CACNG4: variants seen among roughly 807,000 people sequenced by gnomAD.
The protein encoded by CACNG4 is voltage-dependent calcium channel gamma-4 subunit.
Under a neutral mutation model 22.9 loss-of-function variants are expected in CACNG4, and 8 were observed. The observed-to-expected ratio is 0.35, with a 90% CI of 0.21 to 0.63. The LOEUF (loss-of-function observed/expected upper bound fraction) is 0.63. Ranked by LOEUF, CACNG4 falls within the 30% of genes least tolerant of loss-of-function variation. The pLI, the probability that CACNG4 is intolerant of heterozygous loss-of-function variation, is 0.72. For missense variants in CACNG4, 357 were observed against 455.4 expected (o/e 0.78, Z 1.97); for synonymous variants, 188 against 191.9 (o/e 0.98, Z 0.17).
At chr17:66,983,557 C>A (rs1032639900) in intron 1 of CACNG4, among the ~76,000 whole-genome samples, 1 of 152,116 alleles carries the variant, frequency 6.6e-6, no homozygotes, top group African/African-American at 2.4e-5. Context: ...GTGGGCACAG[C>A]GTCGTGACCA....
chr17:66,965,732 G>A lies in CACNG4; in HGVS notation c.220+601G>A, dbSNP rs931352962. On this transcript the variant is annotated intron_variant, in intron 1 of 3. Transcript: ENST00000262138. ...AGTAGGGGCAGAAGTAGGGGCGGGG[G>A]CGCGGTCGGAGCCGGGGTAGGGGCT... 3.3e-5 allele frequency among the ~76,000 whole-genome samples: 5 copies of A among 151,438 alleles called. No homozygotes were observed. The East Asian group carries it at 9.9e-4, about 30-fold the overall frequency.
chr17:66,979,211 CCT>C (rs1465208422), intron 1 of CACNG4, among the ~76,000 whole-genome samples: 1 of 152,174 alleles, frequency 6.6e-6, no homozygotes, highest in Admixed American at 6.5e-5. Context: ...TCCTCTCGTC[CCT>C]CTTTCTCTCC....
intron 3 of CACNG4, among the ~76,000 whole-genome samples, chr17:67,025,716 G>A (rs976759272): frequency 6.6e-6 from 1 of 152,274 alleles, no homozygotes; most frequent in Non-Finnish European, 1.5e-5. Flanking sequence ...GCTGAAGATG[G>A]GCAGGCCTGG....
At chr17:66,970,374 T>C (rs567014669) in intron 1 of CACNG4, among the ~76,000 whole-genome samples, 1 of 152,324 alleles carries the variant, frequency 6.6e-6, no homozygotes, top group South Asian at 2.1e-4. Flanking sequence ...AGATGTGAAC[T>C]TCTCATAGTT....
chr17:67,006,508 C>G (rs2035438776), intron 1 of CACNG4, among the ~76,000 whole-genome samples: 1 of 152,146 alleles, frequency 6.6e-6, no homozygotes, highest in African/African-American at 2.4e-5. Context: ...GCCAAACATG[C>G]CTCTGGGCTT....
Position 67,030,427 on chromosome 17 carries a change from C to A in CACNG4, c.446-39C>A. 6.3e-7 allele frequency: 1 copy of A among 1,593,786 alleles called. No homozygotes were observed. Among genetic ancestry groups the A allele is most frequent in the Non-Finnish European group, 8.6e-7 (1 of 1,166,244 alleles). On this transcript the variant is annotated intron_variant, in intron 3 of 3. Transcript: ENST00000262138. This position sits in a 1 kb window ranked among gnomAD's most constrained non-coding sequence, Gnocchi z 6.4. ...GTGGGTCTAACCTCTGCCTCTCTCC[C>A]TCCCTGGCCCCGCTCCCCGCTCCCC...
intron 1 of CACNG4, among the ~76,000 whole-genome samples, chr17:66,980,005 C>T (rs3785594): frequency 0.31 from 46,672 of 152,022 alleles, 7,897 homozygotes; most frequent in Non-Finnish European, 0.39. Context: ...CTGCCCACCT[C>T]GGCCTCCCAA....
At position 67,032,045 on chromosome 17, in the gene CACNG4, C is replaced by T. The variant is rs756772197; in HGVS notation, c.*1041C>T. The T allele has an allele frequency of 3.4e-5, 15 of 447,022 alleles. No individual in the cohort carries two copies. Among genetic ancestry groups the T allele is most frequent in the South Asian group, 9.6e-5 (6 of 62,364 alleles). The allele number at this position is 447,022 out of a possible 1,614,324, so 27.7% of individuals were successfully genotyped here. A position where few individuals can be genotyped will look rare whatever the true frequency, so the allele number is the denominator to read the frequency against. The stretch of plus-strand genomic sequence containing the variant: ...CAAATCATAACTTCCTGCAAATCAA[C>T]GCCAGGAGAGCAACTTACCTTCATT... On this transcript the variant is annotated 3_prime_UTR_variant, in exon 4 of 4. Coordinates refer to ENST00000262138, the MANE Select transcript of CACNG4 (RefSeq NM_014405.4).
At chr17:66,980,088 G>A (rs1260980100) in intron 1 of CACNG4, among the ~76,000 whole-genome samples, 2 of 152,104 alleles carry the variant, frequency 1.3e-5, no homozygotes, top group Admixed American at 6.5e-5. Context: ...CCAGGAACAC[G>A]CTCCCAGGCA....
chr17:66,993,458 A>G (rs1415465941), intron 1 of CACNG4, among the ~76,000 whole-genome samples: 1 of 152,170 alleles, frequency 6.6e-6, no homozygotes, highest in African/African-American at 2.4e-5. Context: ...TGGGGGCAGA[A>G]GACTGCTTCA....
intron 1 of CACNG4, among the ~76,000 whole-genome samples, chr17:67,014,118 G>A (rs887458245): frequency 4.6e-5 from 7 of 152,114 alleles, no homozygotes; most frequent in Non-Finnish European, 8.8e-5. Flanking sequence ...ACAGCCCAGC[G>A]ACCCCTGTCT....
intron 1 of CACNG4, among the ~76,000 whole-genome samples, chr17:66,979,231 C>A (rs990334189): frequency 7.2e-5 from 11 of 152,212 alleles, no homozygotes; most frequent in Non-Finnish European, 1.3e-4. Flanking sequence ...TCCTTTCTTT[C>A]TTCCTTGTAT....
At chr17:66,969,138 T>C (rs2035189078) in intron 1 of CACNG4, among the ~76,000 whole-genome samples, 1 of 152,176 alleles carries the variant, frequency 6.6e-6, no homozygotes, top group African/African-American at 2.4e-5. Flanking sequence ...TCACGGAACA[T>C]GTACTCTTGC....
chr17:66,973,425 C>CTGT (rs1173927280), intron 1 of CACNG4, among the ~76,000 whole-genome samples: 1 of 152,186 alleles, frequency 6.6e-6, no homozygotes, highest in African/African-American at 2.4e-5. Context: ...AGTTCTTATG[C>CTGT]TGTGCAAGCC....
At chr17:67,025,454 G>C (rs1050148744) in intron 3 of CACNG4, among the ~76,000 whole-genome samples, 1 of 152,238 alleles carries the variant, frequency 6.6e-6, no homozygotes, top group Admixed American at 6.5e-5. Flanking sequence ...GAAGGAGTTG[G>C]CCAGGTAAAG....
chr17:67,025,756 G>A (rs1002513577), intron 3 of CACNG4, among the ~76,000 whole-genome samples: 17 of 152,272 alleles, frequency 1.1e-4, no homozygotes, highest in African/African-American at 4.1e-4. Context: ...GCCTCCCAGA[G>A]CACCCTTGTC....
At chr17:67,013,409 G>A (rs1225118163) in intron 1 of CACNG4, among the ~76,000 whole-genome samples, 1 of 152,160 alleles carries the variant, frequency 6.6e-6, no homozygotes, top group Non-Finnish European at 1.5e-5. Flanking sequence ...GGAATGTAAA[G>A]AAGAAAAATG....
chr17:66,981,207 C>T (rs1329136096), intron 1 of CACNG4, among the ~76,000 whole-genome samples: 1 of 152,114 alleles, frequency 6.6e-6, no homozygotes, highest in Non-Finnish European at 1.5e-5. Context: ...AAGGCAGAAG[C>T]GCGAGGGAAT....
chr17:66,976,628 T>A (rs2035238184), intron 1 of CACNG4, among the ~76,000 whole-genome samples: 1 of 151,602 alleles, frequency 6.6e-6, no homozygotes, highest in African/African-American at 2.4e-5. Context: ...TGCCTTCATC[T>A]TCTTTCTATC....
Sources: allele counts gnomAD v4.1 joint callset (sites outside exome capture counted in the v4.1 genomes callset), GRCh38; gene constraint gnomAD v4.1.1; non-coding constraint Gnocchi (gnomAD v3.1); transcripts MANE v1.5; gene names NCBI Gene and HGNC (gene_info 2026-07-23, HGNC 2026-07-21).